Variants in TAFA1 observed in about 807,000 individuals in gnomAD.
TAFA1 encodes the protein chemokine-like protein TAFA-1.
TAFA1 carries 4 observed loss-of-function variants against 18.5 expected under a neutral mutation model. The observed-to-expected ratio is 0.22, with a 90% CI of 0.11 to 0.49. TAFA1 has a LOEUF of 0.49. TAFA1 is among the 20% of genes least tolerant of loss of function. The pLI, the probability that TAFA1 is intolerant of heterozygous loss-of-function variation, is 0.98. For missense variants in TAFA1, 147 were observed against 169.0 expected (o/e 0.87, Z 0.72); for synonymous variants, 56 against 55.2 (o/e 1.01, Z -0.06).
intron 2 of TAFA1, among the ~76,000 whole-genome samples, chr3:68,299,700 A>C (rs2068270803): frequency 6.6e-6 from 1 of 152,172 alleles, no homozygotes. Flanking sequence ...AGGAGGAAAA[A>C]ATACTTCTGT....
At chr3:68,101,406 CTCA>C (rs1471883042) in intron 2 of TAFA1, among the ~76,000 whole-genome samples, 2 of 152,026 alleles carry the variant, frequency 1.3e-5, no homozygotes, top group Non-Finnish European at 2.9e-5. Context: ...CACTCATTAA[CTCA>C]TCATTTAGCA....
At chr3:68,048,189 A>T (rs2064415235) in intron 2 of TAFA1, among the ~76,000 whole-genome samples, 1 of 152,240 alleles carries the variant, frequency 6.6e-6, no homozygotes, top group African/African-American at 2.4e-5. Flanking sequence ...TTAATATTAA[A>T]TAATATAATA....
intron 2 of TAFA1, among the ~76,000 whole-genome samples, chr3:68,045,036 T>G (rs1705239747): frequency 6.6e-6 from 1 of 152,190 alleles, no homozygotes; most frequent in South Asian, 2.1e-4. Context: ...GCACCTCAGC[T>G]GATCTCAGCT....
chr3:68,417,666 C>T, intron 3 of TAFA1: 2 of 463,178 alleles, frequency 4.3e-6, no homozygotes, highest in South Asian at 2.7e-5. Flanking sequence ...GAGGTGGGAC[C>T]TTTGAGAGGT....
At chr3:68,481,567 T>A (rs6790197) in intron 3 of TAFA1, among the ~76,000 whole-genome samples, 104,887 of 151,994 alleles carry the variant, frequency 0.69, 36,581 homozygotes, top group Non-Finnish European at 0.74. Flanking sequence ...AACTCACTAC[T>A]TCTCCTTGAA....
intron 2 of TAFA1, among the ~76,000 whole-genome samples, chr3:68,242,414 A>G (rs78909683): frequency 0.02 from 2,974 of 152,276 alleles, 96 homozygotes; most frequent in African/African-American, 0.067. Flanking sequence ...AATGTGACAT[A>G]TGAAGCAACC....
intron 3 of TAFA1, among the ~76,000 whole-genome samples, chr3:68,437,257 T>C (rs2071282158): frequency 7.5e-6 from 1 of 134,014 alleles, no homozygotes; most frequent in Non-Finnish European, 1.5e-5. Flanking sequence ...TGTTGCTTAA[T>C]AGCACAATAA....
intron 3 of TAFA1, 90 bp downstream of exon 3, chr3:68,417,510 A>G: frequency 1.6e-6 from 2 of 1,274,956 alleles, no homozygotes; most frequent in Non-Finnish European, 2.2e-6. Context: ...GGTTCCAGAT[A>G]ATGAACAAGG....
intron 3 of TAFA1, among the ~76,000 whole-genome samples, chr3:68,445,842 G>A (rs1447347217): frequency 6.6e-6 from 1 of 152,106 alleles, no homozygotes; most frequent in Non-Finnish European, 1.5e-5. Flanking sequence ...GAAGTTGGGA[G>A]AACTACATTT....
intron 2 of TAFA1, among the ~76,000 whole-genome samples, chr3:68,113,901 T>C (rs1384376678): frequency 7.0e-6 from 1 of 142,094 alleles, no homozygotes; most frequent in African/African-American, 2.6e-5. Context: ...TTTTTTGTTT[T>C]TTTTTTTTTT....
chr3:68,063,110 T>C (rs2106730185), intron 2 of TAFA1, among the ~76,000 whole-genome samples: 1 of 152,318 alleles, frequency 6.6e-6, no homozygotes, highest in Non-Finnish European at 1.5e-5. Context: ...AGCACCAGCA[T>C]TGCCTAAGAG....
chr3:68,431,222 A>G (rs1052190029), intron 3 of TAFA1, among the ~76,000 whole-genome samples: 2 of 152,022 alleles, frequency 1.3e-5, no homozygotes, highest in East Asian at 3.9e-4. Flanking sequence ...GAAAGAGATG[A>G]TGGAGAAATG....
intron 3 of TAFA1, among the ~76,000 whole-genome samples, chr3:68,525,548 A>T (rs2073099456): frequency 6.6e-6 from 1 of 152,218 alleles, no homozygotes; most frequent in Non-Finnish European, 1.5e-5. Flanking sequence ...AGGAAAACAA[A>T]GCTGTTGATT....
chr3:68,345,051 A>G (rs1326310615), intron 2 of TAFA1, among the ~76,000 whole-genome samples: 2 of 150,962 alleles, frequency 1.3e-5, no homozygotes, highest in Non-Finnish European at 2.9e-5. Flanking sequence ...AAAAAAATTC[A>G]AGGAAATCTA....
At chr3:68,351,771 G>A (rs896042108) in intron 2 of TAFA1, among the ~76,000 whole-genome samples, 5 of 151,934 alleles carry the variant, frequency 3.3e-5, no homozygotes, top group African/African-American at 1.2e-4. Flanking sequence ...CCAGGCTGAT[G>A]AGGGTGTAAA....
intron 2 of TAFA1, among the ~76,000 whole-genome samples, chr3:68,140,507 C>T (rs1281464327): frequency 6.6e-6 from 1 of 152,152 alleles, no homozygotes; most frequent in Non-Finnish European, 1.5e-5. Flanking sequence ...GCATGTATTA[C>T]CAACTCTTCT....
intron 2 of TAFA1, among the ~76,000 whole-genome samples, chr3:68,339,349 A>T (rs772326514): frequency 1.3e-5 from 2 of 152,244 alleles, no homozygotes; most frequent in Non-Finnish European, 2.9e-5. Context: ...AATCATAAAG[A>T]TACAGAGACT....
At chr3:68,410,685 A>C (rs1211105678) in intron 2 of TAFA1, among the ~76,000 whole-genome samples, 2 of 147,374 alleles carry the variant, frequency 1.4e-5, no homozygotes, top group African/African-American at 5.0e-5. Flanking sequence ...AAATCCAAAA[A>C]AGAGACCATT....
At chr3:68,074,723 T>C (rs908851580) in intron 2 of TAFA1, among the ~76,000 whole-genome samples, 3 of 152,224 alleles carry the variant, frequency 2.0e-5, no homozygotes, top group African/African-American at 7.2e-5. Context: ...CTGAAATTCA[T>C]ATCAGGTCTA....
Sources: gnomAD v4.1 joint callset for allele counts (sites outside exome capture counted in the v4.1 genomes callset) on GRCh38, gnomAD v4.1.1 for gene constraint, MANE v1.5 for transcripts, NCBI Gene and HGNC (gene_info 2026-07-23, HGNC 2026-07-21) for gene names.